TIMP2: variants seen among roughly 807,000 people sequenced by gnomAD.
TIMP2 encodes the protein TIMP metallopeptidase inhibitor 2.
In TIMP2, 5 loss-of-function variants were observed where a neutral mutation model predicts 24.3. That is an observed-to-expected ratio of 0.21 (90% CI 0.11 to 0.43). The LOEUF (loss-of-function observed/expected upper bound fraction) is 0.43, where lower values mean the gene tolerates loss of function less well. TIMP2 is among the 20% of genes least tolerant of loss of function. TIMP2 has a pLI of 1.00. For synonymous variants in TIMP2, 130 were observed against 123.2 expected (o/e 1.06, Z -0.37); for missense variants, 221 against 297.5 (o/e 0.74, Z 1.89).
chr17:78,917,251 CAA>C (rs10592875), intron 1 of TIMP2, among the ~76,000 whole-genome samples: 33,383 of 76,448 alleles, frequency 0.44, 5,263 homozygotes, highest in Middle Eastern at 0.48. Context: ...GACTCCGTCT[CAA>C]AAAAAAAAAA....
intron 1 of TIMP2, among the ~76,000 whole-genome samples, chr17:78,915,664 C>T (rs1017306294): frequency 1.3e-5 from 2 of 151,844 alleles, no homozygotes; most frequent in African/African-American, 2.4e-5. Flanking sequence ...GGATTACAGG[C>T]GTGCACCACC....
chr17:78,878,695 G>A (rs1219123521), intron 1 of TIMP2, among the ~76,000 whole-genome samples: 4 of 151,996 alleles, frequency 2.6e-5, no homozygotes, highest in East Asian at 1.9e-4. Flanking sequence ...GTGAACTGGC[G>A]AGGAGGCCGC....
chr17:78,866,291 A>G (rs573954736), intron 3 of TIMP2, among the ~76,000 whole-genome samples: 8 of 151,948 alleles, frequency 5.3e-5, no homozygotes, highest in Admixed American at 5.2e-4. Context: ...CGGCCACCCC[A>G]GCTCTCCTGC....
chr17:78,919,779 G>A (rs1054116210), intron 1 of TIMP2, among the ~76,000 whole-genome samples: 10 of 152,096 alleles, frequency 6.6e-5, no homozygotes, highest in Non-Finnish European at 1.2e-4. Flanking sequence ...AGCTTGCAGT[G>A]AGCCAAGATA....
chr17:78,887,764 A>C (rs1036231131), intron 1 of TIMP2, among the ~76,000 whole-genome samples: 1 of 152,118 alleles, frequency 6.6e-6, no homozygotes, highest in Admixed American at 6.5e-5. Flanking sequence ...AAAAAAAAAA[A>C]AAGAGCAATA....
intron 1 of TIMP2, among the ~76,000 whole-genome samples, chr17:78,923,071 C>A (rs561714404): frequency 6.6e-6 from 1 of 152,088 alleles, no homozygotes; most frequent in African/African-American, 2.4e-5. Flanking sequence ...CCACAGGAAG[C>A]GAATGCCCTG....
At chr17:78,887,667 G>A (rs776933261) in intron 1 of TIMP2, among the ~76,000 whole-genome samples, 1 of 151,130 alleles carries the variant, frequency 6.6e-6, no homozygotes, top group East Asian at 1.9e-4. Context: ...TTACAGGTAT[G>A]AGCAAACGCG....
Position 78,893,768 on chromosome 17 carries a change from T to C in TIMP2, c.131-19849A>G, listed in dbSNP as rs115111499. The stretch of plus-strand genomic sequence containing the variant: ...TTCATGACTCCCAGCTCTTTCCTTT[T>C]ATAATGATCAGAGAAGGACTCTTCC... On this transcript the variant is annotated intron_variant, in intron 1 of 4. Transcript: ENST00000262768. 2.7e-3 allele frequency among the ~76,000 whole-genome samples: 404 copies of C among 152,210 alleles called. 2 individuals carry two copies. Among genetic ancestry groups the C allele is most frequent in the African/African-American group, 9.3e-3 (388 of 41,502 alleles).
In TIMP2 at chr17:78,866,772, C is replaced by T. The variant is rs995940864; in HGVS notation, c.340+4126G>A. 9.2e-5 allele frequency among the ~76,000 whole-genome samples: 14 copies of T among 152,134 alleles called. No homozygotes were observed. The East Asian group carries it at 9.7e-4, about 11-fold the overall frequency. ...TGACCCTTGGAAACACGAAAGAAGC[C>T]GGTTACACAGGGTCACACGTATGAT... On this transcript the variant is annotated intron_variant, in intron 3 of 4. Transcript: ENST00000262768.
chr17:78,858,304 G>A (rs546891336), intron 3 of TIMP2, among the ~76,000 whole-genome samples: 20 of 151,982 alleles, frequency 1.3e-4, no homozygotes, highest in South Asian at 1.0e-3. Flanking sequence ...TTAGCCAGGC[G>A]TGCTGGCGGG....
chr17:78,888,604 C>T (rs546037983), intron 1 of TIMP2, among the ~76,000 whole-genome samples: 8 of 152,242 alleles, frequency 5.3e-5, no homozygotes, highest in African/African-American at 1.7e-4. Flanking sequence ...AGGTGCAGGC[C>T]GCTATGCTCA....
intron 1 of TIMP2, 92 bp from the exon 2 acceptor site, chr17:78,874,011 T>C (rs1826471374): frequency 8.4e-7 from 1 of 1,191,244 alleles, no homozygotes; most frequent in South Asian, 1.3e-5. Context: ...CTGCGGGAGG[T>C]GCTGGGGGGT....
chr17:78,862,922 G>A (rs989864710), intron 3 of TIMP2, among the ~76,000 whole-genome samples: 5 of 152,210 alleles, frequency 3.3e-5, no homozygotes, highest in African/African-American at 9.7e-5. Flanking sequence ...GTAGTATTCC[G>A]TAGTATATAT....
rs2069901020 is a variant in TIMP2, at chr17:78,891,833, T to C, written c.131-17914A>G. 7 of 1,550,826 alleles carry C rather than the reference T, an allele frequency of 4.5e-6. No homozygotes were observed. Among genetic ancestry groups the C allele is most frequent in the Non-Finnish European group, 5.2e-6 (6 of 1,147,054 alleles). On this transcript the variant is annotated intron_variant, in intron 1 of 4. Transcript: ENST00000262768. The surrounding 1 kb of genome is among the most constrained non-coding windows in gnomAD (Gnocchi z 4.5). Reference sequence around the variant, plus strand: ...CTTGGTCGAAGGTTCTGGCCTTCCCTTTCTCTTCTCAGGCGGGGCCAGGTG... The same window carrying C: ...CTTGGTCGAAGGTTCTGGCCTTCCCCTTCTCTTCTCAGGCGGGGCCAGGTG...
At chr17:78,873,672 C>G in intron 2 of TIMP2, 147 bp downstream of exon 2, 1 of 606,314 alleles carries the variant, frequency 1.6e-6, no homozygotes, top group Non-Finnish European at 2.9e-6. Context: ...TAAGGGAAAT[C>G]GGATCTATTT....
At chr17:78,856,335 C>T (rs2069524703) in intron 4 of TIMP2, 1 of 172,404 alleles carries the variant, frequency 5.8e-6, no homozygotes, top group Admixed American at 5.5e-5. Flanking sequence ...AAAGGAAAAA[C>T]TTGCTTTTGA....
Position 78,856,042 on chromosome 17 carries a change from T to C in TIMP2, c.466-178A>G, listed in dbSNP as rs576481458. 1.1e-5 allele frequency: 7 copies of C among 644,084 alleles called. No individual in the cohort carries two copies. The Admixed American group carries it at 1.5e-4, about 14-fold the overall frequency. 39.9% of individuals were successfully genotyped at this position (644,084 alleles called of 1,614,324 possible). On this transcript the variant is annotated intron_variant, in intron 4 of 4. Transcript: ENST00000262768. ...CAGGCAGCTGGCCTGCGAGGGGGTC[T>C]AACCTGCAGGGAAGCTGTGCCCTGC...
At chr17:78,905,843 T>C (rs542430895) in intron 1 of TIMP2, among the ~76,000 whole-genome samples, 1 of 152,348 alleles carries the variant, frequency 6.6e-6, no homozygotes, top group East Asian at 1.9e-4. Flanking sequence ...GAACCACATA[T>C]TAGCAAATGC....
In TIMP2 at chr17:78,870,421, A is replaced by AAAAGAAAGAAAG. The variant is rs374853871; in HGVS notation, c.340+465_340+476dup. 9.3e-4 allele frequency among the ~76,000 whole-genome samples: 64 copies of AAAAGAAAGAAAG among 68,498 alleles called. 1 individual carries two copies. Among genetic ancestry groups the AAAAGAAAGAAAG allele is most frequent in the African/African-American group, 2.6e-3 (60 of 23,054 alleles). The allele number at this position is 68,498 out of a possible 152,430, so 44.9% of individuals were successfully genotyped here. A position where few individuals can be genotyped will look rare whatever the true frequency, so the allele number is the denominator to read the frequency against. On this transcript the variant is annotated intron_variant, in intron 3 of 4. Coordinates refer to ENST00000262768, the MANE Select transcript of TIMP2 (RefSeq NM_003255.5). ...ACAGAGCGACACTCTGTCTCAAAAA[A>AAAAGAAAGAAAG]AAAGAAAGAAAGAAAGAAAGAAAGA...
Sources: allele counts gnomAD v4.1 joint callset (sites outside exome capture counted in the v4.1 genomes callset), GRCh38; gene constraint gnomAD v4.1.1; non-coding constraint Gnocchi (gnomAD v3.1); transcripts MANE v1.5; gene names NCBI Gene and HGNC (gene_info 2026-07-23, HGNC 2026-07-21).